The following RFFL variants were observed in gnomAD, a reference collection of about 807,000 sequenced individuals.
The protein encoded by RFFL is ring finger and FYVE like domain containing E3 ubiquitin protein ligase, also known as E3 ubiquitin-protein ligase rififylin.
RFFL carries 16 observed loss-of-function variants against 40.4 expected under a neutral mutation model. That is an observed-to-expected ratio of 0.40 (90% CI 0.27 to 0.60). The LOEUF (loss-of-function observed/expected upper bound fraction) is 0.60, where lower values mean the gene tolerates loss of function less well. Ranked by LOEUF, RFFL falls within the 20% of genes least tolerant of loss-of-function variation. RFFL has a pLI of 0.47. For missense variants in RFFL, 367 were observed against 451.7 expected (o/e 0.81, Z 1.70); for synonymous variants, 154 against 167.9 (o/e 0.92, Z 0.64).
chr17:35,089,109 T>C (rs2091445897), exon 1 of RFFL: 1 of 152,552 alleles, frequency 6.6e-6, no homozygotes, highest in Admixed American at 6.5e-5. Flanking sequence ...CCTCACCTGC[T>C]GCGGCCGCCC....
chr17:35,071,211 A>C (rs9908657), intron 1 of RFFL, among the ~76,000 whole-genome samples: 1,526 of 152,164 alleles, frequency 0.01, 24 homozygotes, highest in African/African-American at 0.035. Context: ...AAAAAAAAAA[A>C]AACAAAAATT....
intron 1 of RFFL, among the ~76,000 whole-genome samples, chr17:35,074,729 T>C (rs934642649): frequency 2.6e-5 from 4 of 152,200 alleles, no homozygotes; most frequent in Non-Finnish European, 5.9e-5. Context: ...GTTGGTAATT[T>C]TCCTACAGGT....
chr17:35,021,388 CCTGGG>C lies in RFFL; in HGVS notation c.569_573del (p.Ala190GlyfsTer30), dbSNP rs767856134. On this transcript the variant is annotated frameshift_variant, in exon 3 of 7. Transcript: ENST00000394597. LOFTEE classifies it high-confidence loss of function. ...GCCCTTACCTGCTGATTCTCCTGAACCTGGGCTGGGGGAACAGAGGTGGCTTGTGC... is the reference window on the plus strand; with the variant it reads ...GCCCTTACCTGCTGATTCTCCTGAACCTGGGGGAACAGAGGTGGCTTGTGC... The C allele has an allele frequency of 6.6e-7, 1 of 1,521,134 alleles. No homozygotes were observed. The highest frequency in any genetic ancestry group is 8.8e-7 in the Non-Finnish European group (1 of 1,136,750). The allele number at this position is 1,521,134 out of a possible 1,614,324, so 94.2% of individuals were successfully genotyped here. A position where few individuals can be genotyped will look rare whatever the true frequency, so the allele number is the denominator to read the frequency against.
intron 1 of RFFL, among the ~76,000 whole-genome samples, chr17:35,082,410 A>G (rs2091407167): frequency 6.6e-6 from 1 of 152,256 alleles, no homozygotes; most frequent in South Asian, 2.1e-4. Flanking sequence ...GTCCAAATAC[A>G]GATGGCAGAA....
At chr17:35,056,818 C>A (rs1441475513) in intron 1 of RFFL, among the ~76,000 whole-genome samples, 3 of 152,216 alleles carry the variant, frequency 2.0e-5, no homozygotes, top group Non-Finnish European at 2.9e-5. Flanking sequence ...CTATTCTCTA[C>A]AGAGTAGCCA....
intron 1 of RFFL, among the ~76,000 whole-genome samples, chr17:35,042,881 A>G (rs2091175774): frequency 6.6e-6 from 1 of 151,758 alleles, no homozygotes; most frequent in Admixed American, 6.6e-5. Context: ...TAAGTCATAG[A>G]GAAGACATGT....
intron 1 of RFFL, among the ~76,000 whole-genome samples, chr17:35,047,016 CCTT>C (rs890458681): frequency 8.5e-5 from 13 of 152,198 alleles, no homozygotes; most frequent in African/African-American, 2.9e-4. Flanking sequence ...ACAGCAGGAT[CCTT>C]CTTCCATCGA....
At chr17:35,046,630 G>C (rs1308973100) in intron 1 of RFFL, among the ~76,000 whole-genome samples, 1 of 152,202 alleles carries the variant, frequency 6.6e-6, no homozygotes, top group Non-Finnish European at 1.5e-5. Flanking sequence ...TTCTTAAGCG[G>C]TAACTGTTAA....
At chr17:35,063,901 C>T (rs1597838081), upstream of RFFL, 2 of 152,326 alleles carry the variant, frequency 1.3e-5, no homozygotes, top group East Asian at 3.9e-4. Context: ...GTGCTGATTA[C>T]TGGGGGCAGG....
intron 1 of RFFL, among the ~76,000 whole-genome samples, chr17:35,030,991 C>T (rs2091079321): frequency 6.6e-6 from 1 of 151,994 alleles, no homozygotes; most frequent in Non-Finnish European, 1.5e-5. Context: ...CTTTTAACTA[C>T]AATTTTTCTG....
intron 1 of RFFL, among the ~76,000 whole-genome samples, chr17:35,059,143 C>T (rs758451030): frequency 2.0e-5 from 3 of 151,714 alleles, no homozygotes; most frequent in Non-Finnish European, 4.4e-5. Flanking sequence ...CTCGGCCTCC[C>T]AAGTAGGTGG....
intron 1 of RFFL, among the ~76,000 whole-genome samples, chr17:35,069,927 TA>T (rs548769870): frequency 6.6e-4 from 100 of 151,834 alleles, no homozygotes; most frequent in Non-Finnish European, 1.2e-3. Flanking sequence ...AAATTCACAT[TA>T]AAAAATGCTC....
intron 1 of RFFL, among the ~76,000 whole-genome samples, chr17:35,039,580 T>A (rs1054331550): frequency 1.3e-5 from 2 of 151,980 alleles, no homozygotes; most frequent in Non-Finnish European, 2.9e-5. Context: ...AACAAAAAAA[T>A]AAAAAATAAA....
chr17:35,011,801 C>G lies in RFFL; in HGVS notation c.*167G>C. 1 of 645,740 alleles carries G rather than the reference C, an allele frequency of 1.5e-6. No homozygotes were observed. The highest frequency in any genetic ancestry group is 2.7e-6 in the Non-Finnish European group (1 of 372,414). The allele number at this position is 645,740 out of a possible 1,614,324, so 40.0% of individuals were successfully genotyped here. ...GGGCTTTGCCAGCCAAGAGGTACAC[C>G]CCTGGGAAGACAGGCATGCTCAGGG... is the stretch of plus-strand genomic sequence containing the variant. On this transcript the variant is annotated 3_prime_UTR_variant, in exon 7 of 7. Coordinates refer to ENST00000394597, the MANE Select transcript of RFFL (RefSeq NM_001017368.2).
rs1456807467 is a variant in RFFL, at chr17:35,034,037, G to A, written c.-8-7476C>T. On this transcript the variant is annotated intron_variant, in intron 1 of 6. Transcript: ENST00000394597. ...GGGCGCCTGTAGTCCCAGCTACCCG[G>A]GAGGCTGAGGCAGGAGAATGGCGTG... Among the ~76,000 whole-genome samples the A allele has an allele frequency of 3.3e-5, 5 of 151,880 alleles. No homozygotes were observed. The South Asian group carries it at 1.0e-3, about 32-fold the overall frequency.
At chr17:35,014,419 A>T (rs2090960439) in intron 6 of RFFL, among the ~76,000 whole-genome samples, 3 of 152,192 alleles carry the variant, frequency 2.0e-5, no homozygotes, top group Non-Finnish European at 4.4e-5. Flanking sequence ...CCAAGATTTT[A>T]AAAAATGAGC....
At chr17:35,072,841 C>T (rs944535602) in intron 1 of RFFL, among the ~76,000 whole-genome samples, 1 of 151,956 alleles carries the variant, frequency 6.6e-6, no homozygotes, top group African/African-American at 2.4e-5. Flanking sequence ...GTGGAGAGTT[C>T]GAGACCAGCC....
chr17:35,055,728 G>T (rs1321089049), intron 1 of RFFL, among the ~76,000 whole-genome samples: 1 of 150,928 alleles, frequency 6.6e-6, no homozygotes, highest in African/African-American at 2.4e-5. Context: ...GCTGGATTTT[G>T]ACACATTTCC....
chr17:35,038,113 C>T (rs1323539834), intron 1 of RFFL, among the ~76,000 whole-genome samples: 1 of 151,982 alleles, frequency 6.6e-6, no homozygotes, highest in Non-Finnish European at 1.5e-5. Context: ...CATGGTGAAA[C>T]CCCGTCTCTA....
Sources: gnomAD v4.1 joint callset for allele counts (sites outside exome capture counted in the v4.1 genomes callset) on GRCh38, gnomAD v4.1.1 for gene constraint, MANE v1.5 for transcripts, NCBI Gene and HGNC (gene_info 2026-07-23, HGNC 2026-07-21) for gene names.